The following GPATCH2 variants were observed in gnomAD, a reference collection of about 807,000 sequenced individuals.
GPATCH2 encodes the protein G-patch domain containing 2, also known as G patch domain-containing protein 2.
Under a neutral mutation model 58.0 loss-of-function variants are expected in GPATCH2, and 51 were observed. The observed-to-expected ratio is 0.88, with a 90% CI of 0.70 to 1.11. GPATCH2 has a LOEUF of 1.11. GPATCH2 is among the 50% of genes most tolerant of loss of function. GPATCH2 has a pLI of 0.00. For synonymous variants in GPATCH2, 222 were observed against 218.5 expected, an observed-to-expected ratio of 1.02 and a Z score of -0.14; for missense variants, 625 against 652.2, an observed-to-expected ratio of 0.96 and a Z score of 0.45.
chr1:217,520,943 C>T (rs1663421366), intron 5 of GPATCH2, among the ~76,000 whole-genome samples: 1 of 152,192 alleles, frequency 6.6e-6, no homozygotes, highest in African/African-American at 2.4e-5. Flanking sequence ...CTCCTGGGCT[C>T]AAGCAATTCC....
chr1:217,508,432 T>C (rs1237910189), intron 6 of GPATCH2, among the ~76,000 whole-genome samples: 1 of 152,162 alleles, frequency 6.6e-6, no homozygotes, highest in African/African-American at 2.4e-5. Flanking sequence ...TTGATTTACA[T>C]ACAATTCCTC....
intron 1 of GPATCH2, among the ~76,000 whole-genome samples, chr1:217,627,350 T>G (rs1226624797): frequency 2.0e-5 from 3 of 151,984 alleles, no homozygotes; most frequent in Non-Finnish European, 4.4e-5. Flanking sequence ...CATGAAGCAC[T>G]CTGAATGTCG....
intron 5 of GPATCH2, among the ~76,000 whole-genome samples, chr1:217,543,753 A>G (rs1256069212): frequency 6.6e-6 from 1 of 152,188 alleles, no homozygotes; most frequent in Non-Finnish European, 1.5e-5. Context: ...AAACACCTAA[A>G]TGTTCTGAGA....
At chr1:217,467,700 A>G (rs1467096274) in intron 8 of GPATCH2, among the ~76,000 whole-genome samples, 1 of 150,550 alleles carries the variant, frequency 6.6e-6, no homozygotes, top group Non-Finnish European at 1.5e-5. Flanking sequence ...TTTTTCTTTA[A>G]AAAAAAAAAT....
At chr1:217,601,567 A>G (rs1223245391) in intron 5 of GPATCH2, among the ~76,000 whole-genome samples, 2 of 152,100 alleles carry the variant, frequency 1.3e-5, no homozygotes, top group East Asian at 3.9e-4. Flanking sequence ...AGATGGCTAA[A>G]ACCCATCCCA....
chr1:217,427,358 A>C lies in GPATCH2; in HGVS notation c.*3787T>G, dbSNP rs1658376761. The C allele has an allele frequency of 6.6e-6, 1 of 152,114 alleles. No homozygotes were observed. The highest frequency in any genetic ancestry group is 2.1e-4 in the South Asian group (1 of 4,826). 9.4% of individuals were successfully genotyped at this position (152,114 alleles called of 1,614,324 possible). On this transcript the variant is annotated 3_prime_UTR_variant, in exon 10 of 10. Coordinates refer to ENST00000366935, the MANE Select transcript of GPATCH2 (RefSeq NM_018040.5). ...AATACATTTACCAATATTTTTCTCT[A>C]ATTTTTTTGAGATATTGAAATTTTT...
chr1:217,507,040 A>G (rs144658492), intron 6 of GPATCH2, among the ~76,000 whole-genome samples: 2 of 152,244 alleles, frequency 1.3e-5, no homozygotes, highest in East Asian at 3.9e-4. Context: ...CCTCTATCAC[A>G]CTGTGAGTAA....
chr1:217,534,082 G>T (rs901258728), intron 5 of GPATCH2, among the ~76,000 whole-genome samples: 10 of 152,024 alleles, frequency 6.6e-5, no homozygotes, highest in Non-Finnish European at 1.2e-4. Flanking sequence ...CGTGCATGGT[G>T]GGGGGTGCCT....
At chr1:217,482,893 C>G (rs1400799572) in intron 8 of GPATCH2, among the ~76,000 whole-genome samples, 1 of 152,146 alleles carries the variant, frequency 6.6e-6, no homozygotes, top group South Asian at 2.1e-4. Context: ...ATTTGTAGCC[C>G]TTTCCTCCCA....
chr1:217,554,607 C>T (rs1017304536), intron 5 of GPATCH2, among the ~76,000 whole-genome samples: 1 of 152,188 alleles, frequency 6.6e-6, no homozygotes, highest in African/African-American at 2.4e-5. Flanking sequence ...TGATAAGGCA[C>T]ATTCTTTTAT....
chr1:217,615,242 A>C (rs1251125807), intron 2 of GPATCH2, among the ~76,000 whole-genome samples: 2 of 152,082 alleles, frequency 1.3e-5, no homozygotes, highest in East Asian at 1.9e-4. Context: ...TTCTGAATAT[A>C]ATTTGTTTCT....
intron 5 of GPATCH2, among the ~76,000 whole-genome samples, chr1:217,550,188 T>C (rs1415791173): frequency 6.6e-6 from 1 of 152,154 alleles, no homozygotes; most frequent in Non-Finnish European, 1.5e-5. Flanking sequence ...TGACACATGG[T>C]AGGTTTCTGT....
At chr1:217,571,146 T>A (rs1666518328) in intron 5 of GPATCH2, among the ~76,000 whole-genome samples, 2 of 152,106 alleles carry the variant, frequency 1.3e-5, no homozygotes, top group Non-Finnish European at 2.9e-5. Flanking sequence ...AAATCAAGAT[T>A]CAAAAGAAAG....
intron 5 of GPATCH2, among the ~76,000 whole-genome samples, chr1:217,584,206 TA>T (rs1204925768): frequency 6.6e-6 from 1 of 151,402 alleles, no homozygotes; most frequent in African/African-American, 2.4e-5. Flanking sequence ...TGGTCAAAAT[TA>T]ATGTTCGAGG....
intron 5 of GPATCH2, among the ~76,000 whole-genome samples, chr1:217,607,306 G>A (rs893112225): frequency 7.2e-5 from 11 of 152,060 alleles, no homozygotes; most frequent in African/African-American, 2.7e-4. Context: ...CTTCCTACTC[G>A]TTTAAACTAT....
At chr1:217,467,643 A>G (rs938481278) in intron 8 of GPATCH2, among the ~76,000 whole-genome samples, 3 of 152,120 alleles carry the variant, frequency 2.0e-5, no homozygotes, top group African/African-American at 7.2e-5. Flanking sequence ...AGTATAAACA[A>G]TAAAGTCTTG....
intron 5 of GPATCH2, among the ~76,000 whole-genome samples, chr1:217,532,886 GTTTTTTTTTT>G (rs57815648): frequency 2.2e-4 from 29 of 130,248 alleles, no homozygotes; most frequent in Non-Finnish European, 3.2e-4. Context: ...TCTTTTTTTT[GTTTTTTTTTT>G]TTTGTTTTTT....
intron 8 of GPATCH2, among the ~76,000 whole-genome samples, chr1:217,469,649 T>G (rs1371420614): frequency 3.3e-5 from 5 of 152,166 alleles, no homozygotes; most frequent in Admixed American, 3.3e-4. Context: ...TTTGAATATT[T>G]TTATTCATTA....
Position 217,608,372 on chromosome 1 carries a change from T to C in GPATCH2, c.1098+1949A>G, listed in dbSNP as rs1271867422. On this transcript the variant is annotated intron_variant, in intron 5 of 9. Coordinates refer to ENST00000366935, the MANE Select transcript of GPATCH2 (RefSeq NM_018040.5). ...ATGGCCTAATGCACTAGTTCCATGA[T>C]AAACACACATATATAGTATGTCTCC... The C allele has an allele frequency of 2.0e-5, 20 of 984,912 alleles. No homozygotes were observed. In the South Asian group the frequency reaches 8.9e-4, roughly 44 times the overall value. 61.0% of individuals were successfully genotyped at this position (984,912 alleles called of 1,614,324 possible).
Sources: gnomAD v4.1 joint callset for allele counts (sites outside exome capture counted in the v4.1 genomes callset) on GRCh38, gnomAD v4.1.1 for gene constraint, MANE v1.5 for transcripts, NCBI Gene and HGNC (gene_info 2026-07-23, HGNC 2026-07-21) for gene names.